The following FBXW12 variants were observed in gnomAD, a reference collection of about 807,000 sequenced individuals.
FBXW12 encodes F-box/WD repeat-containing protein 12.
FBXW12 carries 43 observed loss-of-function variants against 55.3 expected under a neutral mutation model. The observed-to-expected ratio is 0.78, with a 90% confidence interval of 0.61 to 1.00. The LOEUF is 1.00. Ranked by LOEUF, FBXW12 falls within the 50% of genes least tolerant of loss-of-function variation. The probability of loss-of-function intolerance (pLI) is 0.00; values close to 1 mark genes in which losing one functional copy is unlikely to be tolerated. For synonymous variants in FBXW12, 184 were observed against 203.8 expected (o/e 0.90, Z 0.83); for missense variants, 524 against 560.5 (o/e 0.93, Z 0.66).
Position 48,380,659 on chromosome 3 carries a change from A to G in FBXW12, c.775-43A>G, listed in dbSNP as rs747120059. Reference sequence around the variant, plus strand: ...GGAGTCACTCCTGTACTGAGAGGCTATAAGTTCCCTGCCCCTGACCATGCA... The same window carrying G: ...GGAGTCACTCCTGTACTGAGAGGCTGTAAGTTCCCTGCCCCTGACCATGCA... On this transcript the variant is annotated intron_variant, in intron 7 of 10. Coordinates refer to ENST00000296438, the MANE Select transcript of FBXW12 (RefSeq NM_207102.2). 9.6e-6 allele frequency: 14 copies of G among 1,459,290 alleles called. No homozygotes were observed. In the South Asian group the frequency reaches 1.0e-4, roughly 11 times the overall value. The allele number at this position is 1,459,290 out of a possible 1,614,324, so 90.4% of individuals were successfully genotyped here.
intron 5 of FBXW12, among the ~76,000 whole-genome samples, chr3:48,377,552 CT>C (rs2036702413): frequency 6.6e-6 from 1 of 152,232 alleles, no homozygotes; most frequent in Non-Finnish European, 1.5e-5. Context: ...CAAGCTACCC[CT>C]GAATTTCTGA....
intron 10 of FBXW12, among the ~76,000 whole-genome samples, chr3:48,384,845 T>C (rs1385076306): frequency 2.0e-5 from 3 of 152,208 alleles, no homozygotes; most frequent in Non-Finnish European, 4.4e-5. Context: ...GGACAGAGTA[T>C]CTTATTAGTT....
chr3:48,389,013 A>G (rs1425174105), intron 10 of FBXW12, among the ~76,000 whole-genome samples: 1 of 152,006 alleles, frequency 6.6e-6, no homozygotes, highest in Non-Finnish European at 1.5e-5. Context: ...TCCCTGTCTA[A>G]CCCCCTGCTC....
intron 10 of FBXW12, among the ~76,000 whole-genome samples, chr3:48,385,715 A>G (rs2036839592): frequency 1.3e-5 from 2 of 152,116 alleles, no homozygotes; most frequent in Non-Finnish European, 2.9e-5. Context: ...GAGCATGACC[A>G]TTCTAACACC....
chr3:48,378,660 G>A (rs377520702), intron 6 of FBXW12, 134 bp downstream of exon 6: 38 of 714,584 alleles, frequency 5.3e-5, no homozygotes, highest in East Asian at 1.7e-4. Context: ...TGTTGCTCAG[G>A]CTGGAGTGCA....
intron 10 of FBXW12, among the ~76,000 whole-genome samples, chr3:48,391,559 T>C (rs557315757): frequency 6.6e-6 from 1 of 152,250 alleles, no homozygotes; most frequent in Non-Finnish European, 1.5e-5. Flanking sequence ...GGCATCCTTG[T>C]CTTGTTCCAG....
intron 8 of FBXW12, among the ~76,000 whole-genome samples, chr3:48,381,459 T>C (rs1298130243): frequency 1.3e-5 from 2 of 152,172 alleles, no homozygotes; most frequent in African/African-American, 2.4e-5. Flanking sequence ...TGGGTTCCAA[T>C]GCCCAGGGGA....
chr3:48,373,189 T>C, intron 2 of FBXW12, 119 bp from the exon 3 acceptor site: 1 of 1,475,876 alleles, frequency 6.8e-7, no homozygotes, highest in Middle Eastern at 1.7e-4. Flanking sequence ...CTTTGAGAGC[T>C]GGAATCCCAT....
intron 10 of FBXW12, among the ~76,000 whole-genome samples, chr3:48,393,152 T>G (rs555043258): frequency 2.5e-4 from 38 of 152,122 alleles, no homozygotes; most frequent in Middle Eastern, 6.8e-3. Flanking sequence ...TGCACCACTA[T>G]GCTCAGCTAA....
At chr3:48,389,836 A>G (rs1335068685) in intron 10 of FBXW12, among the ~76,000 whole-genome samples, 1 of 152,206 alleles carries the variant, frequency 6.6e-6, no homozygotes, top group African/African-American at 2.4e-5. Flanking sequence ...TTGGGGTCTT[A>G]CATCTAAACC....
chr3:48,373,708 A>G lies in FBXW12; in HGVS notation c.286+3A>G, dbSNP rs201577583. On this transcript the variant is annotated splice_donor_region_variant and intron_variant, in intron 4 of 10. Coordinates refer to ENST00000296438, the MANE Select transcript of FBXW12 (RefSeq NM_207102.2). Reference sequence around the variant, plus strand: ...CTACAAAGTAACTAAGAACATCGGTATGGGTATAGGTGCCCTAGAGGAACA... The same window carrying G: ...CTACAAAGTAACTAAGAACATCGGTGTGGGTATAGGTGCCCTAGAGGAACA... 25 of 1,613,436 alleles carry G rather than the reference A, an allele frequency of 1.5e-5. No individual in the cohort carries two copies. The highest frequency in any genetic ancestry group is 1.3e-4 in the East Asian group (6 of 44,874).
intron 10 of FBXW12, among the ~76,000 whole-genome samples, chr3:48,393,916 C>T (rs1000410751): frequency 6.6e-6 from 1 of 151,636 alleles, no homozygotes. Context: ...GTAGCTGGGA[C>T]TACAGGCGTG....
intron 10 of FBXW12, among the ~76,000 whole-genome samples, chr3:48,388,667 G>C (rs1450162943): frequency 1.3e-5 from 2 of 152,106 alleles, no homozygotes; most frequent in Non-Finnish European, 1.5e-5. Flanking sequence ...GTTTCTTGTA[G>C]ATAGAATCTG....
At chr3:48,391,768 C>A (rs764821662) in intron 10 of FBXW12, among the ~76,000 whole-genome samples, 12 of 151,942 alleles carry the variant, frequency 7.9e-5, no homozygotes, top group Non-Finnish European at 1.6e-4. Context: ...GTTTTTAATT[C>A]TGTTTATGTG....
intron 10 of FBXW12, among the ~76,000 whole-genome samples, chr3:48,386,857 T>C (rs948022788): frequency 6.6e-6 from 1 of 152,104 alleles, no homozygotes; most frequent in Non-Finnish European, 1.5e-5. Flanking sequence ...TTTTTTTACA[T>C]ATTGTGAATT....
At chr3:48,386,960 G>A (rs926580902) in intron 10 of FBXW12, among the ~76,000 whole-genome samples, 15 of 144,934 alleles carry the variant, frequency 1.0e-4, no homozygotes, top group East Asian at 2.0e-4. Flanking sequence ...TTTTTTAGGC[G>A]AAGTCTCGCT....
rs776156700 is a variant in FBXW12 at position 48,382,062 on chromosome 3, G to A, written c.1272G>A (p.Thr424=). 3.7e-6 allele frequency: 6 copies of A among 1,613,912 alleles called. No homozygotes were observed. The highest frequency in any genetic ancestry group is 2.2e-5 in the East Asian group (1 of 44,894). ...YLRSCCHLEN[T]WHDHTTDSCI... is the part of the protein sequence containing the mutation. ...GGAGCTGCTGTCACCTGGAAAACACGTGGCATGATCACACAACAGACAGGT... is the reference window on the plus strand; with the variant it reads ...GGAGCTGCTGTCACCTGGAAAACACATGGCATGATCACACAACAGACAGGT... Residue 424 remains threonine (T), a synonymous_variant, in exon 10 of 11, where the codon ACG becomes ACA. Transcript: ENST00000296438.
At position 48,386,941 on chromosome 3, in the gene FBXW12, C is replaced by CTTCT. The variant is rs1397833166; in HGVS notation, c.1295+4858_1295+4859insCTTT. ...ATTTTGTAGTTTTCTTCTTCTTCTTCTTTTTTTTTTTTTTAGGCGAAGTCT... is the reference window on the plus strand; with the variant it reads ...ATTTTGTAGTTTTCTTCTTCTTCTTCTTCTTTTTTTTTTTTTTTAGGCGAAGTCT... On this transcript the variant is annotated intron_variant, in intron 10 of 10. Coordinates refer to ENST00000296438, the MANE Select transcript of FBXW12 (RefSeq NM_207102.2). Among the ~76,000 whole-genome samples the CTTCT allele has an allele frequency of 1.5e-4, 21 of 142,000 alleles. 1 individual carries two copies. Among genetic ancestry groups the CTTCT allele is most frequent in the Admixed American group, 9.8e-4 (14 of 14,262 alleles). 93.2% of individuals were successfully genotyped at this position (142,000 alleles called of 152,430 possible).
At chr3:48,375,831 C>T (rs760348865) in intron 5 of FBXW12, among the ~76,000 whole-genome samples, 1 of 151,900 alleles carries the variant, frequency 6.6e-6, no homozygotes, top group African/African-American at 2.4e-5. Context: ...CCCGCCACCA[C>T]GCCTGGCTAA....
Sources: allele counts gnomAD v4.1 joint callset (sites outside exome capture counted in the v4.1 genomes callset), GRCh38; gene constraint gnomAD v4.1.1; transcripts MANE v1.5; gene names NCBI Gene and HGNC (gene_info 2026-07-23, HGNC 2026-07-21).